Variants in UBE3B observed in about 807,000 individuals in gnomAD.
UBE3B encodes ubiquitin protein ligase E3B, also known as ubiquitin-protein ligase E3B.
Under a neutral mutation model 132.3 loss-of-function variants are expected in UBE3B, and 80 were observed. That is an observed-to-expected ratio of 0.60 (90% CI 0.50 to 0.73). The LOEUF (loss-of-function observed/expected upper bound fraction) is 0.73, where lower values mean the gene tolerates loss of function less well. Among genes scored for constraint, UBE3B ranks in the 30% least tolerant of loss-of-function variants. The probability of loss-of-function intolerance (pLI) is 0.00; values close to 1 mark genes in which losing one functional copy is unlikely to be tolerated. For synonymous variants in UBE3B, 487 were observed against 520.4 expected, an observed-to-expected ratio of 0.94 and a Z score of 0.87; for missense variants, 1,196 against 1,362.5, an observed-to-expected ratio of 0.88 and a Z score of 1.92.
intron 13 of UBE3B, among the ~76,000 whole-genome samples, chr12:109,502,607 G>C (rs1044297305): frequency 2.0e-5 from 3 of 152,188 alleles, no homozygotes; most frequent in Non-Finnish European, 4.4e-5. Flanking sequence ...TCAAAACCAG[G>C]TGTCAGAACT....
At chr12:109,484,073 G>A in intron 4 of UBE3B, 92 bp downstream of exon 4, 5 of 1,353,750 alleles carry the variant, frequency 3.7e-6, no homozygotes, top group South Asian at 2.9e-5. Context: ...GCAGCTTTAT[G>A]AGGTAATTAC....
At chr12:109,495,519 G>A (rs191431176) in intron 9 of UBE3B, among the ~76,000 whole-genome samples, 25 of 152,228 alleles carry the variant, frequency 1.6e-4, no homozygotes, top group Admixed American at 4.6e-4. Flanking sequence ...CTAACCCAGC[G>A]GCACTAGAGG....
chr12:109,490,033 A>G (rs767577929), intron 8 of UBE3B, 29 bp downstream of exon 8: 19 of 1,600,834 alleles, frequency 1.2e-5, no homozygotes, highest in Admixed American at 8.3e-5. Context: ...CCAGTGTGCA[A>G]CTTCTCCACT....
the UBE3B span, among the ~76,000 whole-genome samples, chr12:109,542,202 T>A: frequency 1.3e-5 from 2 of 152,202 alleles, no homozygotes; most frequent in Admixed American, 1.3e-4. Context: ...GGCGCCTGTG[T>A]CATCACTGCC....
intron 17 of UBE3B, 98 bp downstream of exon 17, chr12:109,510,556 T>G (rs1274242469): frequency 6.6e-6 from 6 of 903,632 alleles, no homozygotes; most frequent in Non-Finnish European, 8.6e-6. Context: ...AGAGGACTTT[T>G]TCCCTCTGCT....
At chr12:109,481,549 A>T (rs2135743707) in intron 1 of UBE3B, 88 bp from the exon 2 acceptor site, 1 of 152,344 alleles carries the variant, frequency 6.6e-6, no homozygotes, top group East Asian at 1.9e-4. Flanking sequence ...CATTGTAGTT[A>T]CTACTTTTAC....
At chr12:109,512,832 A>G (rs1880544502) in intron 18 of UBE3B, among the ~76,000 whole-genome samples, 2 of 152,170 alleles carry the variant, frequency 1.3e-5, no homozygotes, top group Admixed American at 1.3e-4. Context: ...TACTTAATCA[A>G]ATGTGCCTTC....
intron 4 of UBE3B, among the ~76,000 whole-genome samples, chr12:109,484,400 A>AT (rs939525450): frequency 1.1e-4 from 16 of 151,336 alleles, no homozygotes; most frequent in Admixed American, 2.0e-4. Context: ...TCATACTCTG[A>AT]TTTTTTTTTG....
At chr12:109,500,672 G>A (rs1010514079) in intron 12 of UBE3B, among the ~76,000 whole-genome samples, 6 of 152,208 alleles carry the variant, frequency 3.9e-5, no homozygotes, top group African/African-American at 1.2e-4. Flanking sequence ...CCTGCTCTCC[G>A]CTCCACTTCC....
chr12:109,521,614 A>G lies in UBE3B; in HGVS notation c.2364+63A>G. On this transcript the variant is annotated intron_variant, in intron 21 of 27. Transcript: ENST00000342494. The surrounding 1 kb of genome is among the most constrained non-coding windows in gnomAD (Gnocchi z 4.2). ...TGTTAACGGTACCATGGGCTTCTTC[A>G]CATACACATATGTGATCAGGCTTGG... 4 of 1,418,976 alleles carry G rather than the reference A, an allele frequency of 2.8e-6. No individual in the cohort carries two copies. The highest frequency in any genetic ancestry group is 3.8e-6 in the Non-Finnish European group (4 of 1,044,932). 87.9% of individuals were successfully genotyped at this position (1,418,976 alleles called of 1,614,324 possible). A position where few individuals can be genotyped will look rare whatever the true frequency, so the allele number is the denominator to read the frequency against.
At chr12:109,491,501 G>A (rs1877461545) in intron 9 of UBE3B, 1 of 171,130 alleles carries the variant, frequency 5.8e-6, no homozygotes, top group Admixed American at 6.2e-5. Context: ...GAGGATTAAG[G>A]AAATAATGTG....
intron 2 of UBE3B, among the ~76,000 whole-genome samples, chr12:109,483,049 T>C (rs754066374): frequency 6.6e-6 from 1 of 152,262 alleles, no homozygotes; most frequent in Non-Finnish European, 1.5e-5. Context: ...ACAATGATGA[T>C]GACAGCAAAT....
chr12:109,533,731 C>A, intron 27 of UBE3B, 173 bp downstream of exon 27: 1 of 837,468 alleles, frequency 1.2e-6, no homozygotes, highest in East Asian at 2.7e-5. Context: ...AACCAGCCAG[C>A]CCCAGAGAGA....
At position 109,491,115 on chromosome 12, in the gene UBE3B, C is replaced by T; in HGVS notation, c.701C>T (p.Ser234Phe). The part of the protein sequence containing the change: ...LSKGTLTAAF[S>F]LALRPVIAAQ... ...AAAGGCACTTTAACAGCAGCTTTTT[C>T]TCTAGCGTTACGGTGAGTAAGAAAC... is the stretch of plus-strand genomic sequence containing the variant. Residue 234 changes from serine to phenylalanine, a missense_variant, in exon 9 of 28, where the codon TCT (serine) becomes TTT (phenylalanine). Coordinates refer to ENST00000342494, the MANE Select transcript of UBE3B (RefSeq NM_130466.4). 6.2e-7 allele frequency: 1 copy of T among 1,614,042 alleles called. No individual in the cohort carries two copies. The highest frequency in any genetic ancestry group is 8.5e-7 in the Non-Finnish European group (1 of 1,179,912).
chr12:109,515,062 C>T (rs946575658), intron 18 of UBE3B, among the ~76,000 whole-genome samples: 19 of 150,736 alleles, frequency 1.3e-4, no homozygotes, highest in Non-Finnish European at 2.7e-4. Context: ...TACAGGTGCT[C>T]GCCACCACGC....
At chr12:109,516,138 TGAG>T (rs1305317146) in intron 18 of UBE3B, among the ~76,000 whole-genome samples, 2 of 151,686 alleles carry the variant, frequency 1.3e-5, no homozygotes, top group Non-Finnish European at 2.9e-5. Flanking sequence ...ATTGACTGAA[TGAG>T]GAGGATTTTC....
rs372759313 is a variant in UBE3B, at chr12:109,516,748, G to A, written c.1957-17G>A. The stretch of plus-strand genomic sequence containing the variant: ...TTTGCTGACCCTGTTTTCTGATCCC[G>A]CCTTTGTTCATTTTAGAGAGTTCTA... On this transcript the variant is annotated splice_polypyrimidine_tract_variant and intron_variant, in intron 18 of 27. Transcript: ENST00000342494. 25 of 1,608,212 alleles carry A rather than the reference G, an allele frequency of 1.6e-5. No individual in the cohort carries two copies. The highest frequency in any genetic ancestry group is 2.2e-5 in the East Asian group (1 of 44,684).
At chr12:109,514,091 C>G (rs1279476055) in intron 18 of UBE3B, among the ~76,000 whole-genome samples, 2 of 152,220 alleles carry the variant, frequency 1.3e-5, no homozygotes, top group Non-Finnish European at 1.5e-5. Context: ...AGCCTCAGCT[C>G]TGCCTGGCTC....
rs116502002 is a variant in UBE3B at position 109,521,389 on chromosome 12, G to T, written c.2254-52G>T. On this transcript the variant is annotated intron_variant, in intron 20 of 27. Transcript: ENST00000342494. This position sits in a 1 kb window ranked among gnomAD's most constrained non-coding sequence, Gnocchi z 4.2. Reference sequence around the variant, plus strand: ...ATTCAAGAAGTGAAGAGCTGGGCTTGCTCCTTGCAAGGCACTTGACCTCTG... The same window carrying T: ...ATTCAAGAAGTGAAGAGCTGGGCTTTCTCCTTGCAAGGCACTTGACCTCTG... 1.1e-3 allele frequency: 1,820 copies of T among 1,598,752 alleles called. 24 individuals are homozygous for T. In the African/African-American group the frequency reaches 0.022, roughly 19 times the overall value.
Sources: allele counts gnomAD v4.1 joint callset (sites outside exome capture counted in the v4.1 genomes callset), GRCh38; gene constraint gnomAD v4.1.1; non-coding constraint Gnocchi (gnomAD v3.1); transcripts MANE v1.5; gene names NCBI Gene and HGNC (gene_info 2026-07-23, HGNC 2026-07-21).